RNF144A: variants seen among roughly 807,000 people sequenced by gnomAD.
The protein encoded by RNF144A is ring finger protein 144A, also known as E3 ubiquitin-protein ligase RNF144A.
In RNF144A, 11 loss-of-function variants were observed where a neutral mutation model predicts 38.7. That is an observed-to-expected ratio of 0.28 (90% CI 0.18 to 0.47). The LOEUF is 0.47. Among genes scored for constraint, RNF144A ranks in the 20% least tolerant of loss-of-function variants. The pLI, the probability that RNF144A is intolerant of heterozygous loss-of-function variation, is 0.99. For synonymous variants in RNF144A, 149 were observed against 143.9 expected (o/e 1.04, Z -0.25); for missense variants, 316 against 377.2 (o/e 0.84, Z 1.34).
intron 2 of RNF144A, among the ~76,000 whole-genome samples, chr2:6,956,996 C>T (rs554469722): frequency 6.6e-6 from 1 of 152,180 alleles, no homozygotes; most frequent in African/African-American, 2.4e-5. Context: ...TCTTCCTGAA[C>T]GTGTGAGGAA....
chr2:6,918,576 A>T (rs1664300235), intron 1 of RNF144A: 1 of 151,632 alleles, frequency 6.6e-6, no homozygotes, highest in African/African-American at 2.4e-5. Context: ...GGAGATCGAG[A>T]CCACGGTGAA....
chr2:6,927,166 ATATT>A (rs1485621158), intron 1 of RNF144A, among the ~76,000 whole-genome samples: 1 of 152,170 alleles, frequency 6.6e-6, no homozygotes, highest in Non-Finnish European at 1.5e-5. Flanking sequence ...TGCCGAATAA[ATATT>A]TGTGTAGCCT....
intron 1 of RNF144A, among the ~76,000 whole-genome samples, chr2:6,935,080 A>C (rs1665482490): frequency 6.6e-6 from 1 of 152,090 alleles, no homozygotes; most frequent in Non-Finnish European, 1.5e-5. Flanking sequence ...GACATATGCC[A>C]TCAGGCTTTA....
At chr2:7,017,474 G>A (rs1053525158) in intron 5 of RNF144A, among the ~76,000 whole-genome samples, 2 of 152,152 alleles carry the variant, frequency 1.3e-5, no homozygotes, top group African/African-American at 2.4e-5. Context: ...GCACCAGCCC[G>A]CCGGGCAGGG....
At chr2:6,993,339 G>T (rs1669516677) in intron 2 of RNF144A, among the ~76,000 whole-genome samples, 1 of 152,132 alleles carries the variant, frequency 6.6e-6, no homozygotes, top group Non-Finnish European at 1.5e-5. Context: ...CCCAGGGCAG[G>T]GGAAGCCACT....
At chr2:7,002,878 CT>C (rs1397097855) in intron 3 of RNF144A, among the ~76,000 whole-genome samples, 2 of 152,058 alleles carry the variant, frequency 1.3e-5, no homozygotes, top group East Asian at 3.9e-4. Flanking sequence ...GTTACTGCCC[CT>C]GAAGAACTTC....
At chr2:7,064,492 A>G (rs1471156593) in intron 6 of RNF144A, among the ~76,000 whole-genome samples, 4 of 152,134 alleles carry the variant, frequency 2.6e-5, no homozygotes, top group Non-Finnish European at 5.9e-5. Flanking sequence ...CTCCACGGGG[A>G]GGCTAACCCA....
chr2:6,988,595 AG>A (rs779856585), intron 2 of RNF144A, among the ~76,000 whole-genome samples: 62 of 152,168 alleles, frequency 4.1e-4, no homozygotes, highest in Non-Finnish European at 6.8e-4. Context: ...GGTGGGGGTG[AG>A]GGGTGTGGTC....
At chr2:7,028,504 T>C (rs1278202236) in intron 7 of RNF144A, among the ~76,000 whole-genome samples, 1 of 152,170 alleles carries the variant, frequency 6.6e-6, no homozygotes, top group Non-Finnish European at 1.5e-5. Flanking sequence ...CCATGTCTGC[T>C]CGCAGAGGTC....
chr2:7,037,064 A>T (rs1051099777), intron 8 of RNF144A, among the ~76,000 whole-genome samples: 2 of 152,184 alleles, frequency 1.3e-5, no homozygotes, highest in African/African-American at 4.8e-5. Flanking sequence ...TTCTCTCTGG[A>T]GCCTGAAACT....
At chr2:6,934,987 G>A (rs763039563) in intron 1 of RNF144A, among the ~76,000 whole-genome samples, 4 of 152,208 alleles carry the variant, frequency 2.6e-5, no homozygotes, top group Non-Finnish European at 5.9e-5. Context: ...TGGTCAAGGT[G>A]GAGTGGATGC....
chr2:7,029,375 G>T (rs1672128859), intron 7 of RNF144A, among the ~76,000 whole-genome samples: 1 of 152,194 alleles, frequency 6.6e-6, no homozygotes, highest in Non-Finnish European at 1.5e-5. Context: ...CTGAGCTGGG[G>T]AACACACTTA....
At chr2:7,060,780 G>A (rs1673920961) in intron 6 of RNF144A, among the ~76,000 whole-genome samples, 1 of 152,160 alleles carries the variant, frequency 6.6e-6, no homozygotes, top group Admixed American at 6.5e-5. Context: ...AGCCTTTCCT[G>A]TGCAGTCATC....
At chr2:6,922,626 CTTTTT>C (rs1209204554) in intron 1 of RNF144A, among the ~76,000 whole-genome samples, 1 of 136,952 alleles carries the variant, frequency 7.3e-6, no homozygotes, top group Non-Finnish European at 1.6e-5. Flanking sequence ...TCTTGTTTTT[CTTTTT>C]TTTTTTTTTT....
At chr2:6,953,113 T>A (rs1012602198) in intron 2 of RNF144A, among the ~76,000 whole-genome samples, 2 of 152,212 alleles carry the variant, frequency 1.3e-5, no homozygotes, top group Admixed American at 1.3e-4. Flanking sequence ...TTTTAAAATA[T>A]AAGCATTTAA....
chr2:7,043,157 C>T lies in RNF144A; in HGVS notation c.*3397C>T, dbSNP rs1488780769. 3 of 984,702 alleles carry T rather than the reference C, an allele frequency of 3.0e-6. No homozygotes were observed. Among genetic ancestry groups the T allele is most frequent in the Non-Finnish European group, 3.6e-6 (3 of 829,410 alleles). The allele number at this position is 984,702 out of a possible 1,614,324, so 61.0% of individuals were successfully genotyped here. On this transcript the variant is annotated 3_prime_UTR_variant, in exon 9 of 9. Coordinates refer to ENST00000320892, the MANE Select transcript of RNF144A (RefSeq NM_014746.6). Reference sequence around the variant, plus strand: ...TGCTGGAATTACAGGCCTGAGCCACCCCACCCGGCCTATTTTCTTAAAGGG... The same window carrying T: ...TGCTGGAATTACAGGCCTGAGCCACTCCACCCGGCCTATTTTCTTAAAGGG...
At chr2:6,938,970 T>A (rs1029212757) in intron 1 of RNF144A, among the ~76,000 whole-genome samples, 1 of 152,206 alleles carries the variant, frequency 6.6e-6, no homozygotes, top group Non-Finnish European at 1.5e-5. Flanking sequence ...CTTTTTTTTT[T>A]AGACATTCAC....
In RNF144A at chr2:6,944,494, A is replaced by G. The variant is rs1165251356; in HGVS notation, c.-12+3347A>G. Among the ~76,000 whole-genome samples the G allele has an allele frequency of 1.3e-5, 2 of 152,168 alleles. No individual in the cohort carries two copies. The highest frequency in any genetic ancestry group is 1.9e-4 in the East Asian group (1 of 5,194). On this transcript the variant is annotated intron_variant, in intron 2 of 8. Transcript: ENST00000320892. This position sits in a 1 kb window ranked among gnomAD's most constrained non-coding sequence, Gnocchi z 4.7. The stretch of plus-strand genomic sequence containing the variant: ...TTTCCTGGCTGGGGCACTGTGGCCC[A>G]GATGTGGCCACTGTGAAAGTTGCCA...
chr2:7,058,069 C>G (rs1673807065), intron 6 of RNF144A, among the ~76,000 whole-genome samples: 1 of 152,132 alleles, frequency 6.6e-6, no homozygotes. Context: ...GCAAAGATAA[C>G]TATCTTCTTT....
Sources: allele counts gnomAD v4.1 joint callset (sites outside exome capture counted in the v4.1 genomes callset), GRCh38; gene constraint gnomAD v4.1.1; non-coding constraint Gnocchi (gnomAD v3.1); transcripts MANE v1.5; gene names NCBI Gene and HGNC (gene_info 2026-07-23, HGNC 2026-07-21).